SHISA9: variants seen among roughly 807,000 people sequenced by gnomAD.
The protein encoded by SHISA9 is protein shisa-9.
A neutral mutation model predicts 38.0 loss-of-function variants in SHISA9; 13 were observed. The ratio of observed to expected loss-of-function variants is 0.34; its 90% CI spans 0.22 to 0.54. The LOEUF is 0.54. SHISA9 is among the 20% of genes least tolerant of loss of function. SHISA9 has a pLI of 0.91. For synonymous variants in SHISA9, 275 were observed against 242.0 expected, an observed-to-expected ratio of 1.14 and a Z score of -1.27; for missense variants, 538 against 575.8, an observed-to-expected ratio of 0.93 and a Z score of 0.67.
intron 2 of SHISA9, among the ~76,000 whole-genome samples, chr16:12,993,155 C>T (rs1238405101): frequency 2.6e-5 from 4 of 152,158 alleles, no homozygotes; most frequent in Non-Finnish European, 5.9e-5. Flanking sequence ...GTAGCATCGG[C>T]CTGTCCGTGA....
At chr16:13,329,190 G>A in the SHISA9 span, among the ~76,000 whole-genome samples, 1 of 152,160 alleles carries the variant, frequency 6.6e-6, no homozygotes, top group African/African-American at 2.4e-5. Flanking sequence ...ATCACACACA[G>A]CCTCCTCAAG....
the SHISA9 span, among the ~76,000 whole-genome samples, chr16:13,404,277 T>C: frequency 6.6e-6 from 1 of 152,162 alleles, no homozygotes; most frequent in Non-Finnish European, 1.5e-5. Flanking sequence ...ACAGTCTAGT[T>C]GAGGAGTTAC....
chr16:13,336,097 C>T, the SHISA9 span, among the ~76,000 whole-genome samples: 2 of 152,206 alleles, frequency 1.3e-5, no homozygotes, highest in Non-Finnish European at 2.9e-5. Context: ...ATCAGAAGTC[C>T]CGTGGTTTCC....
chr16:12,923,248 G>C lies in SHISA9; in HGVS notation c.691+6433G>C, dbSNP rs182226707. Among the ~76,000 whole-genome samples the C allele has an allele frequency of 2.7e-3, 407 of 152,314 alleles. 3 individuals are homozygous for C. Among genetic ancestry groups the C allele is most frequent in the African/African-American group, 9.4e-3 (391 of 41,564 alleles). ...CTCCATATAAAATTGTGGGAGATGG[G>C]GCCAGGTGCAGTGGCTCACACGTGT... On this transcript the variant is annotated intron_variant, in intron 2 of 4. Coordinates refer to ENST00000558583, the MANE Select transcript of SHISA9 (RefSeq NM_001145204.3).
At chr16:13,431,120 A>G in the SHISA9 span, among the ~76,000 whole-genome samples, 2 of 152,124 alleles carry the variant, frequency 1.3e-5, no homozygotes, top group African/African-American at 4.8e-5. Context: ...TAACTGAGGA[A>G]GCCTGCCCAG....
chr16:13,012,859 G>A (rs558177085), intron 2 of SHISA9, among the ~76,000 whole-genome samples: 8 of 152,292 alleles, frequency 5.3e-5, no homozygotes, highest in African/African-American at 1.9e-4. Flanking sequence ...GGCCAGACAG[G>A]GAGGAGAGAC....
At chr16:13,067,367 T>A (rs1010852433) in intron 2 of SHISA9, among the ~76,000 whole-genome samples, 1 of 152,228 alleles carries the variant, frequency 6.6e-6, no homozygotes, top group Non-Finnish European at 1.5e-5. Flanking sequence ...TCACATGTGA[T>A]TCCTTCACTT....
At chr16:13,505,541 G>C in the SHISA9 span, among the ~76,000 whole-genome samples, 8 of 152,314 alleles carry the variant, frequency 5.3e-5, no homozygotes, top group East Asian at 1.2e-3. Context: ...ACAAATAATA[G>C]CAATAGCAGT....
chr16:13,149,893 C>T (rs2050481896), intron 2 of SHISA9, among the ~76,000 whole-genome samples: 1 of 148,070 alleles, frequency 6.8e-6, no homozygotes, highest in African/African-American at 2.5e-5. Context: ...CCACTGCACT[C>T]CAGCCTGGGT....
intron 2 of SHISA9, among the ~76,000 whole-genome samples, chr16:13,186,586 C>T (rs1395412759): frequency 6.6e-6 from 1 of 152,042 alleles, no homozygotes; most frequent in African/African-American, 2.4e-5. Context: ...GTGAAGCCAC[C>T]GTGCCCAGCC....
At chr16:13,382,995 T>C in the SHISA9 span, among the ~76,000 whole-genome samples, 1 of 152,234 alleles carries the variant, frequency 6.6e-6, no homozygotes, top group Admixed American at 6.5e-5. Flanking sequence ...AGTCACTAAG[T>C]GTTCGTTGCG....
chr16:13,281,605 C>A, the SHISA9 span, among the ~76,000 whole-genome samples: 1 of 141,102 alleles, frequency 7.1e-6, no homozygotes, highest in African/African-American at 2.6e-5. Flanking sequence ...ATTTAAATGT[C>A]TTTTAGCAAT....
chr16:13,473,245 C>G, the SHISA9 span, among the ~76,000 whole-genome samples: 1 of 152,052 alleles, frequency 6.6e-6, no homozygotes, highest in Non-Finnish European at 1.5e-5. Context: ...TTTCCATTAC[C>G]AAGGCAAGAT....
At chr16:13,545,213 C>A in the SHISA9 span, among the ~76,000 whole-genome samples, 1 of 152,214 alleles carries the variant, frequency 6.6e-6, no homozygotes, top group African/African-American at 2.4e-5. Flanking sequence ...CAAGATCGCA[C>A]ACTGGTGAAG....
chr16:13,034,162 A>T (rs1041348084), intron 2 of SHISA9, among the ~76,000 whole-genome samples: 4 of 149,592 alleles, frequency 2.7e-5, no homozygotes, highest in Non-Finnish European at 5.9e-5. Context: ...AAAAAAAAAA[A>T]TACCTCCATC....
the SHISA9 span, among the ~76,000 whole-genome samples, chr16:13,254,126 C>A: frequency 2.6e-5 from 4 of 152,142 alleles, no homozygotes; most frequent in African/African-American, 7.2e-5. Flanking sequence ...AATAATAATA[C>A]TAATAATTAC....
chr16:13,503,505 G>A, the SHISA9 span, among the ~76,000 whole-genome samples: 1 of 152,110 alleles, frequency 6.6e-6, no homozygotes, highest in Non-Finnish European at 1.5e-5. Flanking sequence ...TTAAGACATG[G>A]CTACTTGGGC....
the SHISA9 span, among the ~76,000 whole-genome samples, chr16:13,438,066 A>G: frequency 5.3e-5 from 8 of 152,180 alleles, no homozygotes; most frequent in Non-Finnish European, 1.2e-4. Context: ...AGGTTTCACC[A>G]TGCTGGCCAG....
At chr16:13,322,678 A>G in the SHISA9 span, among the ~76,000 whole-genome samples, 1 of 151,966 alleles carries the variant, frequency 6.6e-6, no homozygotes, top group Admixed American at 6.6e-5. Flanking sequence ...TCCCTCACCC[A>G]CTCTCGCATC....
Sources: allele counts gnomAD v4.1 joint callset (sites outside exome capture counted in the v4.1 genomes callset), GRCh38; gene constraint gnomAD v4.1.1; transcripts MANE v1.5; gene names NCBI Gene and HGNC (gene_info 2026-07-23, HGNC 2026-07-21).